The following CDK6 variants were observed in gnomAD, a reference collection of about 807,000 sequenced individuals.
The protein encoded by CDK6 is cyclin dependent kinase 6.
A neutral mutation model predicts 37.1 loss-of-function variants in CDK6; 6 were observed. The ratio of observed to expected loss-of-function variants is 0.16; its 90% CI spans 0.09 to 0.32. CDK6 has a LOEUF of 0.32. Among genes scored for constraint, CDK6 ranks in the 10% least tolerant of loss-of-function variants. The pLI, the probability that CDK6 is intolerant of heterozygous loss-of-function variation, is 1.00. For synonymous variants in CDK6, 160 were observed against 161.3 expected (o/e 0.99, Z 0.06); for missense variants, 224 against 418.9 (o/e 0.53, Z 4.06).
chr7:92,720,766 A>G (rs539770043), intron 4 of CDK6, among the ~76,000 whole-genome samples: 19 of 152,182 alleles, frequency 1.2e-4, no homozygotes, highest in Non-Finnish European at 2.6e-4. Flanking sequence ...CTTCACAAAA[A>G]TAAGTTGCAC....
chr7:92,778,452 T>C (rs1799902841), intron 2 of CDK6, among the ~76,000 whole-genome samples: 1 of 152,232 alleles, frequency 6.6e-6, no homozygotes, highest in African/African-American at 2.4e-5. Flanking sequence ...CCATAAATCA[T>C]ATTAAGTCTC....
intron 5 of CDK6, among the ~76,000 whole-genome samples, chr7:92,636,769 G>A (rs1207682818): frequency 1.3e-5 from 2 of 152,170 alleles, no homozygotes; most frequent in South Asian, 2.1e-4. Flanking sequence ...GGGTTCAAGC[G>A]ATTCTCCTGC....
chr7:92,687,492 G>GA (rs1192618612), intron 4 of CDK6, among the ~76,000 whole-genome samples: 2 of 152,070 alleles, frequency 1.3e-5, no homozygotes, highest in Non-Finnish European at 2.9e-5. Context: ...AAACAAGGAG[G>GA]AAAAAATCCA....
chr7:92,631,584 T>C (rs925733293), intron 5 of CDK6, among the ~76,000 whole-genome samples: 3 of 152,180 alleles, frequency 2.0e-5, no homozygotes, highest in African/African-American at 7.2e-5. Flanking sequence ...CGTAAAACTA[T>C]ACGCACCTTG....
At chr7:92,712,734 T>C (rs986608873) in intron 4 of CDK6, among the ~76,000 whole-genome samples, 1 of 152,210 alleles carries the variant, frequency 6.6e-6, no homozygotes, top group African/African-American at 2.4e-5. Flanking sequence ...ATCTTAAATA[T>C]TGTGCTACAT....
intron 4 of CDK6, chr7:92,725,268 G>A (rs1021213597): frequency 3.3e-5 from 33 of 985,272 alleles, no homozygotes; most frequent in South Asian, 9.4e-5. Flanking sequence ...AACGTTGCTC[G>A]TGCTCTTTCT....
chr7:92,748,412 ACTG>A (rs1799110181), intron 3 of CDK6, among the ~76,000 whole-genome samples: 1 of 152,220 alleles, frequency 6.6e-6, no homozygotes, highest in South Asian at 2.1e-4. Flanking sequence ...CAGTATTATT[ACTG>A]GTCAGACCCT....
At chr7:92,759,238 G>A (rs1189164970) in intron 3 of CDK6, among the ~76,000 whole-genome samples, 3 of 152,100 alleles carry the variant, frequency 2.0e-5, no homozygotes, top group East Asian at 1.9e-4. Context: ...AAGACAAGGC[G>A]ATGATTTTCC....
chr7:92,779,846 A>T (rs1799942100), intron 2 of CDK6, among the ~76,000 whole-genome samples: 1 of 152,254 alleles, frequency 6.6e-6, no homozygotes, highest in Admixed American at 6.5e-5. Context: ...GGTTGTAAAC[A>T]TTAATCTTAG....
intron 2 of CDK6, among the ~76,000 whole-genome samples, chr7:92,813,792 C>G (rs984241966): frequency 6.6e-6 from 1 of 152,116 alleles, no homozygotes. Flanking sequence ...CCCTTAAAAA[C>G]GGCTAAGCAG....
Position 92,659,972 on chromosome 7 carries a change from G to T in CDK6, c.647+11454C>A, listed in dbSNP as rs1446070249. On this transcript the variant is annotated intron_variant, in intron 5 of 7. Transcript: ENST00000424848. ...AACAAGAAGGGCCGAGAAATCTCTGGACTATGCATAGGAAGGGAATCTAAG... is the reference window on the plus strand; with the variant it reads ...AACAAGAAGGGCCGAGAAATCTCTGTACTATGCATAGGAAGGGAATCTAAG... 2.0e-5 allele frequency among the ~76,000 whole-genome samples: 3 copies of T among 152,128 alleles called. No individual in the cohort carries two copies. The East Asian group carries it at 5.8e-4, about 29-fold the overall frequency.
At chr7:92,810,515 T>C (rs1711924886) in intron 2 of CDK6, among the ~76,000 whole-genome samples, 2 of 152,314 alleles carry the variant, frequency 1.3e-5, no homozygotes, top group South Asian at 4.1e-4. Flanking sequence ...ACTGCTGCTG[T>C]GAACGTAATT....
intron 2 of CDK6, among the ~76,000 whole-genome samples, chr7:92,831,232 G>A (rs771626573): frequency 5.3e-5 from 8 of 152,204 alleles, no homozygotes; most frequent in Non-Finnish European, 1.0e-4. Flanking sequence ...CAAGAGAATA[G>A]GATGGATCAG....
At chr7:92,668,910 C>T (rs1387501918) in intron 5 of CDK6, among the ~76,000 whole-genome samples, 1 of 152,198 alleles carries the variant, frequency 6.6e-6, no homozygotes, top group Non-Finnish European at 1.5e-5. Flanking sequence ...GTTTCTGATA[C>T]TGCTTCCTCC....
intron 3 of CDK6, among the ~76,000 whole-genome samples, chr7:92,729,308 T>C (rs1798588110): frequency 6.6e-6 from 1 of 152,206 alleles, no homozygotes; most frequent in African/African-American, 2.4e-5. Flanking sequence ...GTAACCCTAG[T>C]GATGCAATGC....
chr7:92,608,144 T>A lies in CDK6; in HGVS notation c.*6996A>T, dbSNP rs1795471726. 2 of 232,766 alleles carry A rather than the reference T, an allele frequency of 8.6e-6. No individual in the cohort carries two copies. The highest frequency in any genetic ancestry group is 3.6e-4 in the South Asian group (2 of 5,534). The allele number at this position is 232,766 out of a possible 1,614,324, so 14.4% of individuals were successfully genotyped here. On this transcript the variant is annotated 3_prime_UTR_variant, in exon 8 of 8. Coordinates refer to ENST00000424848, the MANE Select transcript of CDK6 (RefSeq NM_001145306.2). ...GAGAGTTAGAAATTAAATAATTGTG[T>A]GGCTCTATGTGTGCTGATTAGTGCT...
Position 92,610,639 on chromosome 7 carries a change from G to C in CDK6, c.*4501C>G, listed in dbSNP as rs936434255. 3 of 227,654 alleles carry C rather than the reference G, an allele frequency of 1.3e-5. No individual in the cohort carries two copies. Among genetic ancestry groups the C allele is most frequent in the African/African-American group, 2.2e-5 (1 of 45,034 alleles). 14.1% of individuals were successfully genotyped at this position (227,654 alleles called of 1,614,324 possible). On this transcript the variant is annotated 3_prime_UTR_variant, in exon 8 of 8. Transcript: ENST00000424848. Reference sequence around the variant, plus strand: ...AAGGGAGTAAATAAGAAATGAAAATGCTAGTTTCTCATGCTTTTGAGGAAA... The same window carrying C: ...AAGGGAGTAAATAAGAAATGAAAATCCTAGTTTCTCATGCTTTTGAGGAAA...
intron 2 of CDK6, among the ~76,000 whole-genome samples, chr7:92,802,726 G>A (rs1468230262): frequency 6.6e-6 from 1 of 152,218 alleles, no homozygotes; most frequent in East Asian, 1.9e-4. Context: ...AGGTGGTAAA[G>A]TATGTTAATG....
At chr7:92,725,895 T>C (rs1408642950) in intron 3 of CDK6, 102 bp from the exon 4 acceptor site, 5 of 1,015,678 alleles carry the variant, frequency 4.9e-6, no homozygotes, top group Non-Finnish European at 7.3e-6. Flanking sequence ...CTGCTTGGCA[T>C]GCGGCAGGCA....
Sources: allele counts gnomAD v4.1 joint callset (sites outside exome capture counted in the v4.1 genomes callset), GRCh38; gene constraint gnomAD v4.1.1; transcripts MANE v1.5; gene names NCBI Gene and HGNC (gene_info 2026-07-23, HGNC 2026-07-21).